FGD6: variants seen among roughly 807,000 people sequenced by gnomAD.
FGD6 encodes the protein FYVE, RhoGEF and PH domain-containing protein 6.
Under a neutral mutation model 149.4 loss-of-function variants are expected in FGD6, and 90 were observed. That is an observed-to-expected ratio of 0.60 (90% confidence interval 0.51 to 0.72). FGD6 has a LOEUF of 0.72. FGD6 is among the 30% of genes least tolerant of loss of function. The probability of loss-of-function intolerance (pLI) is 0.00; values close to 1 mark genes in which losing one functional copy is unlikely to be tolerated. For synonymous variants in FGD6, 527 were observed against 584.0 expected, an observed-to-expected ratio of 0.90 and a Z score of 1.41; for missense variants, 1,437 against 1,684.8, an observed-to-expected ratio of 0.85 and a Z score of 2.57.
In FGD6 at chr12:95,134,660, C is replaced by T. The variant is rs1439262914; in HGVS notation, c.3082+79G>A. On this transcript the variant is annotated intron_variant, in intron 8 of 20. Coordinates refer to ENST00000343958, the MANE Select transcript of FGD6 (RefSeq NM_018351.4). Reference sequence around the variant, plus strand: ...CGGGGGTGATATACAAAGAGAGGCACCCGAGTTTCATAAAGGCAAGAAGAG... The same window carrying T: ...CGGGGGTGATATACAAAGAGAGGCATCCGAGTTTCATAAAGGCAAGAAGAG... 2.4e-6 allele frequency: 3 copies of T among 1,260,696 alleles called. No individual in the cohort carries two copies. In the East Asian group the frequency reaches 7.1e-5, roughly 30 times the overall value. 78.1% of individuals were successfully genotyped at this position (1,260,696 alleles called of 1,614,324 possible).
At chr12:95,172,515 C>A in intron 3 of FGD6, 85 bp downstream of exon 3, 1 of 1,214,402 alleles carries the variant, frequency 8.2e-7, no homozygotes, top group Non-Finnish European at 1.1e-6. Flanking sequence ...AGAAAACTCA[C>A]AAGGGTTTCT....
intron 18 of FGD6, among the ~76,000 whole-genome samples, chr12:95,086,612 T>C (rs963976320): frequency 4.9e-5 from 7 of 142,064 alleles, no homozygotes; most frequent in Non-Finnish European, 1.1e-4. Flanking sequence ...CGATCTCAGC[T>C]CACTGCAAGC....
chr12:95,146,528 T>C (rs1277664789), intron 5 of FGD6, among the ~76,000 whole-genome samples: 1 of 152,110 alleles, frequency 6.6e-6, no homozygotes, highest in Admixed American at 6.6e-5. Context: ...AATATTAAAA[T>C]AGTGGGGGGA....
In FGD6 at chr12:95,194,231, C is replaced by A. The variant is rs144745374; in HGVS notation, c.2441+14612G>T. ...TGAGCCACTGTGCCTGGCTGTGATT[C>A]CATTTTATATAACTTTTTTTTGAGA... On this transcript the variant is annotated intron_variant, in intron 2 of 20. Transcript: ENST00000343958. Among the ~76,000 whole-genome samples, 509 of 149,804 alleles carry A rather than the reference C, an allele frequency of 3.4e-3. 1 individual carries two copies. The highest frequency in any genetic ancestry group is 0.012 in the African/African-American group (480 of 40,820).
intron 2 of FGD6, among the ~76,000 whole-genome samples, chr12:95,188,389 G>A (rs1165310594): frequency 1.3e-5 from 2 of 152,038 alleles, no homozygotes; most frequent in Non-Finnish European, 2.9e-5. Context: ...ATCCGTGTGT[G>A]TGTGTGTGTA....
intron 2 of FGD6, among the ~76,000 whole-genome samples, chr12:95,190,600 C>T (rs760750528): frequency 7.2e-5 from 11 of 152,010 alleles, no homozygotes; most frequent in Non-Finnish European, 1.6e-4. Context: ...TTATTTAGGC[C>T]GTACCCATAT....
chr12:95,188,748 T>C (rs1258210866), intron 2 of FGD6, among the ~76,000 whole-genome samples: 3 of 152,056 alleles, frequency 2.0e-5, no homozygotes, highest in Admixed American at 2.0e-4. Flanking sequence ...ATCCCCATTC[T>C]CTCTTCTCCA....
At chr12:95,172,119 T>TA (rs2136283405) in intron 3 of FGD6, among the ~76,000 whole-genome samples, 1 of 152,024 alleles carries the variant, frequency 6.6e-6, no homozygotes, top group African/African-American at 2.4e-5. Context: ...CTCACGCCTG[T>TA]AATCCCAGCA....
At chr12:95,141,017 T>C (rs1592849037) in intron 6 of FGD6, among the ~76,000 whole-genome samples, 1 of 152,002 alleles carries the variant, frequency 6.6e-6, no homozygotes, top group East Asian at 1.9e-4. Flanking sequence ...AGGTCAGGAG[T>C]TCGAGACCAG....
chr12:95,211,542 C>CTTT (rs59361079), intron 1 of FGD6, among the ~76,000 whole-genome samples: 9,477 of 142,352 alleles, frequency 0.067, 420 homozygotes, highest in Middle Eastern at 0.12. Flanking sequence ...TCTTTTTCTT[C>CTTT]TTTTTTTTTT....
At chr12:95,104,246 G>A (rs1317917117) in intron 14 of FGD6, among the ~76,000 whole-genome samples, 2 of 152,056 alleles carry the variant, frequency 1.3e-5, no homozygotes, top group East Asian at 3.9e-4. Flanking sequence ...GCTAACCTAA[G>A]TGCAAAAAGT....
At chr12:95,133,349 T>G (rs1592846028) in intron 8 of FGD6, among the ~76,000 whole-genome samples, 1 of 152,116 alleles carries the variant, frequency 6.6e-6, no homozygotes, top group African/African-American at 2.4e-5. Context: ...ACCTGGGAGA[T>G]GGAGGCTGCA....
At chr12:95,176,743 T>C (rs1282816973) in intron 2 of FGD6, among the ~76,000 whole-genome samples, 3 of 152,254 alleles carry the variant, frequency 2.0e-5, no homozygotes, top group Non-Finnish European at 1.5e-5. Flanking sequence ...ACTGGAAGTA[T>C]ATCAAATTTT....
In FGD6 at chr12:95,122,235, G is replaced by A. The variant is rs185563173; in HGVS notation, c.3083-8534C>T. 7.9e-4 allele frequency among the ~76,000 whole-genome samples: 120 copies of A among 152,274 alleles called. 2 individuals are homozygous for A. Among genetic ancestry groups the A allele is most frequent in the Non-Finnish European group, 8.2e-4 (56 of 68,018 alleles). ...ATGTAATGTCATGAATATATTAGAA[G>A]CTAAGTAAATGGTACTATAATATAA... On this transcript the variant is annotated intron_variant, in intron 8 of 20. Coordinates refer to ENST00000343958, the MANE Select transcript of FGD6 (RefSeq NM_018351.4).
chr12:95,095,578 G>A (rs1878206073), intron 14 of FGD6, among the ~76,000 whole-genome samples: 1 of 151,862 alleles, frequency 6.6e-6, no homozygotes, highest in Non-Finnish European at 1.5e-5. Context: ...AAAAGAGGAA[G>A]GGAGAGGGAA....
chr12:95,209,340 C>A lies in FGD6; in HGVS notation c.1944G>T (p.Trp648Cys). The A allele has an allele frequency of 6.2e-7, 1 of 1,612,820 alleles. No individual in the cohort carries two copies. Among genetic ancestry groups the A allele is most frequent in the Non-Finnish European group, 8.5e-7 (1 of 1,179,348 alleles). ...TGTCTCCGAGTTGGCTACTCTTGGA[C>A]CAAAATTTTTGAAAGTCACTCTTCA... ...CFMKSDFQKF[W>C]SKSSQLGDTT... Residue 648 changes from tryptophan (W) to cysteine (C), a missense_variant, in exon 2 of 21, where the codon TGG becomes TGT. Physicochemically the swap from Trp to Cys is radical, Grantham distance 215. Coordinates refer to ENST00000343958, the MANE Select transcript of FGD6 (RefSeq NM_018351.4).
intron 2 of FGD6, among the ~76,000 whole-genome samples, chr12:95,184,581 GTTTTTT>G (rs35725583): frequency 7.6e-6 from 1 of 132,102 alleles, no homozygotes; most frequent in Non-Finnish European, 1.6e-5. Flanking sequence ...CTTCCTGCAC[GTTTTTT>G]TTTTTTTTTT....
Position 95,217,346 on chromosome 12 carries a change from C to A in FGD6, c.-106G>T. 1 of 1,401,314 alleles carries A rather than the reference C, an allele frequency of 7.1e-7. No individual in the cohort carries two copies. Among genetic ancestry groups the A allele is most frequent in the Non-Finnish European group, 9.4e-7 (1 of 1,058,998 alleles). 86.8% of individuals were successfully genotyped at this position (1,401,314 alleles called of 1,614,324 possible). The stretch of plus-strand genomic sequence containing the variant: ...TAGGAGAGAAAAGCCCCCGCAGCGC[C>A]CACATTCCGTCCCGCCGCCCCGCGG... On this transcript the variant is annotated 5_prime_UTR_variant, in exon 1 of 21. Coordinates refer to ENST00000343958, the MANE Select transcript of FGD6 (RefSeq NM_018351.4).
chr12:95,106,794 T>A (rs1178045317), intron 13 of FGD6, among the ~76,000 whole-genome samples, 160 bp downstream of exon 13: 2 of 152,054 alleles, frequency 1.3e-5, no homozygotes, highest in African/African-American at 4.8e-5. Context: ...CTCAGGAGGC[T>A]GAGGCAGAAG....
Sources: allele counts gnomAD v4.1 joint callset (sites outside exome capture counted in the v4.1 genomes callset), GRCh38; gene constraint gnomAD v4.1.1; transcripts MANE v1.5; gene names NCBI Gene and HGNC (gene_info 2026-07-23, HGNC 2026-07-21).